STAG2: variants seen among roughly 807,000 people sequenced by gnomAD.
STAG2 encodes cohesin subunit SA-2.
A neutral mutation model predicts 108.1 loss-of-function variants in STAG2; 14 were observed. That is an observed-to-expected ratio of 0.13 (90% CI 0.09 to 0.20). The LOEUF is 0.20. Among genes scored for constraint, STAG2 ranks in the 10% least tolerant of loss-of-function variants. The probability of loss-of-function intolerance (pLI) is 1.00; values close to 1 mark genes in which losing one functional copy is unlikely to be tolerated. For missense variants in STAG2, 440 were observed against 940.9 expected, an observed-to-expected ratio of 0.47 and a Z score of 6.96; for synonymous variants, 307 against 302.7, an observed-to-expected ratio of 1.01 and a Z score of -0.15.
intron 1 of STAG2, among the ~76,000 whole-genome samples, chrX:124,008,265 G>C (rs2056377450): frequency 9.9e-6 from 1 of 101,474 alleles, no homozygotes; most frequent in Non-Finnish European, 2.0e-5. Context: ...CCAGGCTAGA[G>C]TGCAATGGTG....
At chrX:124,088,754 A>G (rs1328131739) in intron 30 of STAG2, among the ~76,000 whole-genome samples, 23 of 107,227 alleles carry the variant, frequency 2.1e-4, no homozygotes, top group African/African-American at 7.8e-4. Context: ...AGCTGGGATT[A>G]CAGGCATGCG....
At chrX:124,004,164 G>A (rs976016033) in intron 1 of STAG2, among the ~76,000 whole-genome samples, 1 of 111,697 alleles carries the variant, frequency 9.0e-6, no homozygotes, top group Non-Finnish European at 1.9e-5. Context: ...TCTTCCTCAT[G>A]GGCAAGGTGC....
chrX:124,066,324 A>G, intron 22 of STAG2, 32 bp from the exon 23 acceptor site: 1 of 1,190,431 alleles, frequency 8.4e-7, no homozygotes, highest in Non-Finnish European at 1.1e-6. Flanking sequence ...TGACTTTTAA[A>G]TTTTAACTGT....
intron 7 of STAG2, 45 bp downstream of exon 7, chrX:124,042,690 C>G (rs781295801): frequency 6.5e-6 from 6 of 918,581 alleles, no homozygotes; most frequent in Non-Finnish European, 9.5e-6. Context: ...GCATGTTTAT[C>G]TTGACTTATT....
chrX:124,009,932 C>T (rs1331648162), intron 1 of STAG2, among the ~76,000 whole-genome samples: 2 of 110,983 alleles, frequency 1.8e-5, no homozygotes, highest in Non-Finnish European at 3.8e-5. Context: ...CAAAAAGTCT[C>T]AAAATATTCT....
intron 1 of STAG2, among the ~76,000 whole-genome samples, chrX:123,997,980 T>C (rs1022430287): frequency 2.1e-4 from 24 of 111,665 alleles, no homozygotes; most frequent in Admixed American, 2.9e-4. Flanking sequence ...ATCTATTGTA[T>C]GTATATACCA....
chrX:124,043,505 G>A (rs141868364), intron 7 of STAG2, among the ~76,000 whole-genome samples: 1,530 of 111,502 alleles, frequency 0.014, 31 homozygotes, highest in African/African-American at 0.047. Context: ...TTACTCATAA[G>A]GCTGTTACGA....
intron 20 of STAG2, among the ~76,000 whole-genome samples, 189 bp from the exon 21 acceptor site, chrX:124,065,687 A>G (rs111698111): frequency 1.8e-5 from 2 of 111,900 alleles, no homozygotes; most frequent in South Asian, 3.7e-4. Flanking sequence ...TGATGTTTCT[A>G]TGATAAACTT....
At chrX:124,059,553 C>T (rs190095334) in intron 15 of STAG2, among the ~76,000 whole-genome samples, 8 of 112,071 alleles carry the variant, frequency 7.1e-5, no homozygotes, top group Admixed American at 1.9e-4. Context: ...GTTAATGTGT[C>T]GAGTTATGTT....
chrX:124,055,341 A>G (rs190037571), intron 13 of STAG2, among the ~76,000 whole-genome samples: 1 of 112,032 alleles, frequency 8.9e-6, no homozygotes, highest in East Asian at 2.8e-4. Flanking sequence ...ATTTGAATTT[A>G]CATATAATGG....
chrX:124,001,248 G>A (rs1412717802), intron 1 of STAG2, among the ~76,000 whole-genome samples: 1 of 110,702 alleles, frequency 9.0e-6, no homozygotes, highest in Non-Finnish European at 1.9e-5. Context: ...GTGCCACCAC[G>A]CCTGGCTAAT....
intron 25 of STAG2, among the ~76,000 whole-genome samples, chrX:124,072,331 A>G (rs2058683060): frequency 8.9e-6 from 1 of 111,973 alleles, no homozygotes; most frequent in South Asian, 3.7e-4. Flanking sequence ...CTGATGTATC[A>G]CTGCATATCA....
intron 1 of STAG2, among the ~76,000 whole-genome samples, chrX:124,016,911 GCATTTTAGAAGGGTGTATA>G (rs1263605638): frequency 6.3e-5 from 7 of 111,468 alleles, no homozygotes. Flanking sequence ...AGTGATGGTG[GCATTTTAGAAGGGTGTATA>G]CATTTCCTGG....
At chrX:124,031,615 A>G (rs2057343425) in intron 5 of STAG2, among the ~76,000 whole-genome samples, 1 of 107,295 alleles carries the variant, frequency 9.3e-6, no homozygotes, top group African/African-American at 3.4e-5. Context: ...ACGGGGTTTC[A>G]CCATGTTGGC....
At chrX:124,054,252 A>G (rs890077168) in intron 13 of STAG2, among the ~76,000 whole-genome samples, 2 of 112,413 alleles carry the variant, frequency 1.8e-5, no homozygotes, top group African/African-American at 6.4e-5. Flanking sequence ...AGTATGTAAG[A>G]TAATAGCTAA....
At chrX:124,074,897 T>C (rs1011217836) in intron 25 of STAG2, among the ~76,000 whole-genome samples, 4 of 112,260 alleles carry the variant, frequency 3.6e-5, no homozygotes, top group African/African-American at 1.3e-4. Context: ...AACAATGTCA[T>C]GTAGAAATTG....
At chrX:124,085,688 T>C (rs984234377) in intron 29 of STAG2, among the ~76,000 whole-genome samples, 1 of 100,591 alleles carries the variant, frequency 9.9e-6, no homozygotes, top group Non-Finnish European at 2.0e-5. Flanking sequence ...GGCAGGAGAA[T>C]CGCTTGAACC....
At chrX:124,075,648 G>A in intron 25 of STAG2, among the ~76,000 whole-genome samples, 1 of 109,469 alleles carries the variant, frequency 9.1e-6, no homozygotes, top group South Asian at 3.9e-4. Context: ...AAAAATTTTT[G>A]TATGCAGCTT....
At chrX:123,978,966 A>G (rs2054751707) in intron 1 of STAG2, among the ~76,000 whole-genome samples, 1 of 111,760 alleles carries the variant, frequency 8.9e-6, no homozygotes, top group Non-Finnish European at 1.9e-5. Flanking sequence ...CCCCCCAGAT[A>G]GCTCAGTAAT....
Sources: gnomAD v4.1 joint callset for allele counts (sites outside exome capture counted in the v4.1 genomes callset) on GRCh38, gnomAD v4.1.1 for gene constraint, MANE v1.5 for transcripts, NCBI Gene and HGNC (gene_info 2026-07-23, HGNC 2026-07-21) for gene names.